Variants in MIGA1 observed in about 807,000 individuals in gnomAD.
MIGA1 encodes mitoguardin 1, also known as family with sequence similarity 73, member A.
A neutral mutation model predicts 82.0 loss-of-function variants in MIGA1; 58 were observed. The ratio of observed to expected loss-of-function variants is 0.71; its 90% CI spans 0.57 to 0.88. The LOEUF (loss-of-function observed/expected upper bound fraction) is 0.88. Ranked by LOEUF, MIGA1 falls within the 40% of genes least tolerant of loss-of-function variation. The pLI is 0.00. For missense variants in MIGA1, 751 were observed against 749.1 expected (o/e 1.00, Z -0.03); for synonymous variants, 249 against 253.6 (o/e 0.98, Z 0.17).
chr1:77,868,940 ATTTT>A (rs1325175440), intron 14 of MIGA1, among the ~76,000 whole-genome samples: 9,860 of 145,126 alleles, frequency 0.068, 846 homozygotes, highest in African/African-American at 0.21. Context: ...TAATTTATTT[ATTTT>A]TTTTTTTTAT....
At chr1:77,787,175 C>T (rs567280726) in intron 2 of MIGA1, among the ~76,000 whole-genome samples, 74 of 152,194 alleles carry the variant, frequency 4.9e-4, no homozygotes, top group African/African-American at 1.7e-3. Flanking sequence ...AGGACTTGTC[C>T]CCATGATTCA....
intron 2 of MIGA1, among the ~76,000 whole-genome samples, chr1:77,799,724 A>G (rs1682796524): frequency 6.7e-6 from 1 of 148,702 alleles, no homozygotes; most frequent in Non-Finnish European, 1.5e-5. Context: ...TGTTTATAGG[A>G]TCCTTTTTAC....
intron 2 of MIGA1, among the ~76,000 whole-genome samples, chr1:77,792,257 A>G (rs1366254755): frequency 1.3e-5 from 2 of 152,212 alleles, no homozygotes; most frequent in Non-Finnish European, 2.9e-5. Context: ...ACTATCTCGA[A>G]TTATTGTCTG....
At chr1:77,838,437 A>G (rs539050680) in intron 7 of MIGA1, among the ~76,000 whole-genome samples, 1 of 150,726 alleles carries the variant, frequency 6.6e-6, no homozygotes, top group African/African-American at 2.4e-5. Context: ...ATTACCTTCT[A>G]TCTTATTTAT....
At position 77,876,695 on chromosome 1, in the gene MIGA1, A is replaced by G. The variant is rs1222109731; in HGVS notation, c.*1631A>G. 2.6e-5 allele frequency: 4 copies of G among 152,182 alleles called. No individual in the cohort carries two copies. The highest frequency in any genetic ancestry group is 1.3e-4 in the Admixed American group (2 of 15,278). 9.4% of individuals were successfully genotyped at this position (152,182 alleles called of 1,614,324 possible). ...TAAAAATATTCATAGTTTGAATCTTATTGACATTTTAAAGAAGAGTTTTTT... is the reference window on the plus strand; with the variant it reads ...TAAAAATATTCATAGTTTGAATCTTGTTGACATTTTAAAGAAGAGTTTTTT... On this transcript the variant is annotated 3_prime_UTR_variant, in exon 16 of 16. Coordinates refer to ENST00000370791, the MANE Select transcript of MIGA1 (RefSeq NM_198549.4).
At chr1:77,798,628 A>T (rs1682757071) in intron 2 of MIGA1, among the ~76,000 whole-genome samples, 1 of 152,234 alleles carries the variant, frequency 6.6e-6, no homozygotes, top group Non-Finnish European at 1.5e-5. Context: ...CTACAATTCA[A>T]GATGAGATTT....
intron 14 of MIGA1, among the ~76,000 whole-genome samples, chr1:77,869,081 A>T (rs1449704420): frequency 6.6e-6 from 1 of 151,552 alleles, no homozygotes; most frequent in Non-Finnish European, 1.5e-5. Context: ...TAGGCAGAGG[A>T]CCCTGCAGCC....
intron 7 of MIGA1, among the ~76,000 whole-genome samples, chr1:77,824,911 G>C (rs1683970137): frequency 6.6e-6 from 1 of 150,880 alleles, no homozygotes; most frequent in Non-Finnish European, 1.5e-5. Flanking sequence ...AGTCATTATT[G>C]CATGCATTTC....
chr1:77,851,367 A>T (rs1261730715), intron 8 of MIGA1, among the ~76,000 whole-genome samples: 1 of 152,200 alleles, frequency 6.6e-6, no homozygotes, highest in East Asian at 1.9e-4. Flanking sequence ...CTAGTAAAAA[A>T]AAGACCCCCT....
chr1:77,872,953 G>A (rs1407067405), intron 14 of MIGA1, 51 bp from the exon 15 acceptor site: 3 of 1,607,308 alleles, frequency 1.9e-6, no homozygotes, highest in Non-Finnish European at 1.7e-6. Flanking sequence ...ACTAGAGAAA[G>A]CAAGTAACAA....
In MIGA1 at chr1:77,794,110, ATTTTATTTACCAAAGAG is replaced by A. The variant is rs1682555899; in HGVS notation, c.196-7218_196-7202del. On this transcript the variant is annotated intron_variant, in intron 2 of 15. Coordinates refer to ENST00000370791, the MANE Select transcript of MIGA1 (RefSeq NM_198549.4). Reference sequence around the variant, plus strand: ...GGCCTTAAACTTTTATTTTGAAAGAATTTTATTTACCAAAGAGTTGCAAAGATTGTACATAGAATTCT... The same window carrying A: ...GGCCTTAAACTTTTATTTTGAAAGAATTGCAAAGATTGTACATAGAATTCT... Among the ~76,000 whole-genome samples, 5 of 152,222 alleles carry A rather than the reference ATTTTATTTACCAAAGAG, an allele frequency of 3.3e-5. No individual in the cohort carries two copies. The South Asian group carries it at 1.0e-3, about 32-fold the overall frequency.
intron 2 of MIGA1, among the ~76,000 whole-genome samples, chr1:77,793,309 C>T (rs905269551): frequency 6.6e-6 from 1 of 151,884 alleles, no homozygotes; most frequent in African/African-American, 2.4e-5. Flanking sequence ...CACCATGTTG[C>T]CCAGGCTGGT....
intron 7 of MIGA1, among the ~76,000 whole-genome samples, chr1:77,837,557 T>C (rs4949823): frequency 0.68 from 103,550 of 152,060 alleles, 37,180 homozygotes; most frequent in Non-Finnish European, 0.81. Flanking sequence ...ATTGTGGGGA[T>C]TGAAAATAAG....
At position 77,875,271 on chromosome 1, in the gene MIGA1, T is replaced by C; in HGVS notation, c.*207T>C. Reference sequence around the variant, plus strand: ...GTGTAGTGTAGTCATAGTGGCTTTTTGCATTCATTAGGTAATAATTGAAGT... The same window carrying C: ...GTGTAGTGTAGTCATAGTGGCTTTTCGCATTCATTAGGTAATAATTGAAGT... On this transcript the variant is annotated 3_prime_UTR_variant, in exon 16 of 16. Coordinates refer to ENST00000370791, the MANE Select transcript of MIGA1 (RefSeq NM_198549.4). 2 of 485,836 alleles carry C rather than the reference T, an allele frequency of 4.1e-6. No individual in the cohort carries two copies. 30.1% of individuals were successfully genotyped at this position (485,836 alleles called of 1,614,324 possible).
chr1:77,836,548 T>C (rs80175687), intron 7 of MIGA1, among the ~76,000 whole-genome samples: 4,789 of 152,260 alleles, frequency 0.031, 88 homozygotes, highest in Middle Eastern at 0.071. Flanking sequence ...TTGGTAATGA[T>C]AGTAATAGAA....
At chr1:77,811,691 C>A (rs1276585100) in intron 5 of MIGA1, 2 of 1,611,752 alleles carry the variant, frequency 1.2e-6, no homozygotes, top group East Asian at 2.2e-5. Flanking sequence ...TCGTCTATCG[C>A]CTCCACCAGC....
intron 2 of MIGA1, among the ~76,000 whole-genome samples, chr1:77,794,326 T>C (rs1682564633): frequency 6.6e-6 from 1 of 152,234 alleles, no homozygotes; most frequent in African/African-American, 2.4e-5. Context: ...CAGGATCTTA[T>C]CTAGGTTCCC....
chr1:77,835,441 T>C (rs572938300), intron 7 of MIGA1, among the ~76,000 whole-genome samples: 9 of 152,144 alleles, frequency 5.9e-5, no homozygotes, highest in Non-Finnish European at 1.0e-4. Context: ...TATTTTAAAA[T>C]GTTACCAAAA....
At chr1:77,870,231 C>A (rs1685899558) in intron 14 of MIGA1, among the ~76,000 whole-genome samples, 2 of 128,466 alleles carry the variant, frequency 1.6e-5, no homozygotes, top group Admixed American at 7.4e-5. Context: ...ACCCCCCCCC[C>A]CACCTCCCTC....
Sources: gnomAD v4.1 joint callset for allele counts (sites outside exome capture counted in the v4.1 genomes callset) on GRCh38, gnomAD v4.1.1 for gene constraint, MANE v1.5 for transcripts, NCBI Gene and HGNC (gene_info 2026-07-23, HGNC 2026-07-21) for gene names.